The following CDH13 variants were observed in gnomAD, a reference collection of about 807,000 sequenced individuals.
CDH13 encodes cadherin 13.
A neutral mutation model predicts 63.8 loss-of-function variants in CDH13; 24 were observed. That is an observed-to-expected ratio of 0.38 (90% CI 0.27 to 0.53). The LOEUF is 0.53. CDH13 is among the 20% of genes least tolerant of loss of function. CDH13 has a pLI of 0.85. For synonymous variants in CDH13, 503 were observed against 355.3 expected (o/e 1.42, Z -4.67); for missense variants, 1,049 against 903.1 (o/e 1.16, Z -2.07).
intron 5 of CDH13, among the ~76,000 whole-genome samples, chr16:83,259,626 A>G (rs1157107316): frequency 2.0e-5 from 3 of 152,182 alleles, no homozygotes; most frequent in Non-Finnish European, 4.4e-5. Context: ...TCAATAGAAG[A>G]CTTCTCAGTC....
At chr16:83,770,472 A>T (rs1170971266) in intron 11 of CDH13, among the ~76,000 whole-genome samples, 2 of 152,212 alleles carry the variant, frequency 1.3e-5, no homozygotes, top group Non-Finnish European at 2.9e-5. Flanking sequence ...CCAGACTCCA[A>T]GAGAGAGTTC....
chr16:83,394,047 A>G (rs1254578306), intron 6 of CDH13, among the ~76,000 whole-genome samples: 1 of 152,154 alleles, frequency 6.6e-6, no homozygotes, highest in Non-Finnish European at 1.5e-5. Context: ...AATGATGAGA[A>G]CACATGGACA....
intron 2 of CDH13, among the ~76,000 whole-genome samples, chr16:82,964,238 G>C (rs941411016): frequency 1.3e-5 from 2 of 152,180 alleles, no homozygotes; most frequent in Admixed American, 6.5e-5. Flanking sequence ...TAATTTCCTT[G>C]AAGTCCCCTG....
chr16:83,312,535 G>C (rs146249294), intron 5 of CDH13, among the ~76,000 whole-genome samples: 6 of 152,218 alleles, frequency 3.9e-5, no homozygotes, highest in African/African-American at 7.2e-5. Flanking sequence ...GAGAGCTTCT[G>C]ATTGGCTTAG....
intron 4 of CDH13, among the ~76,000 whole-genome samples, chr16:83,181,647 G>A (rs983204166): frequency 6.6e-6 from 1 of 152,138 alleles, no homozygotes; most frequent in Non-Finnish European, 1.5e-5. Context: ...CTGAAAAGAG[G>A]GGGAGAAGAG....
At chr16:83,072,543 G>C (rs1000826820) in intron 3 of CDH13, among the ~76,000 whole-genome samples, 32 of 152,164 alleles carry the variant, frequency 2.1e-4, no homozygotes, top group African/African-American at 7.5e-4. Context: ...AGAGATGTTT[G>C]TGTGTTTTTG....
chr16:83,089,667 G>A (rs1453728092), intron 3 of CDH13, among the ~76,000 whole-genome samples: 1 of 152,134 alleles, frequency 6.6e-6, no homozygotes, highest in Non-Finnish European at 1.5e-5. Context: ...TGATATAGAT[G>A]AGGGATGTAA....
intron 7 of CDH13, among the ~76,000 whole-genome samples, chr16:83,572,279 T>C (rs141961003): frequency 0.01 from 1,558 of 151,472 alleles, 8 homozygotes; most frequent in Middle Eastern, 0.02. Context: ...CTCTGCCTCC[T>C]GGGTTCAGGC....
chr16:82,647,981 C>T (rs544409915), intron 1 of CDH13, among the ~76,000 whole-genome samples: 13 of 152,244 alleles, frequency 8.5e-5, no homozygotes, highest in Admixed American at 1.3e-4. Flanking sequence ...ATAAGTCTCA[C>T]GAGATCTGAG....
intron 7 of CDH13, among the ~76,000 whole-genome samples, chr16:83,502,224 T>G (rs1484174888): frequency 6.6e-6 from 1 of 152,216 alleles, no homozygotes; most frequent in Non-Finnish European, 1.5e-5. Flanking sequence ...TGGAAGATTA[T>G]TCTGAATTAT....
chr16:83,232,666 G>C (rs1449996629), intron 5 of CDH13, among the ~76,000 whole-genome samples: 1 of 151,926 alleles, frequency 6.6e-6, no homozygotes, highest in African/African-American at 2.4e-5. Flanking sequence ...AGTTTCCTGA[G>C]TCCTCCCCAG....
intron 5 of CDH13, among the ~76,000 whole-genome samples, chr16:83,300,649 G>C (rs903050537): frequency 1.3e-5 from 2 of 152,220 alleles, no homozygotes; most frequent in Non-Finnish European, 2.9e-5. Flanking sequence ...CCAGAACCTA[G>C]TATCTTGTCA....
chr16:83,660,257 T>C (rs1171129765), intron 8 of CDH13, among the ~76,000 whole-genome samples: 1 of 152,178 alleles, frequency 6.6e-6, no homozygotes, highest in Non-Finnish European at 1.5e-5. Flanking sequence ...ACAACTACCA[T>C]AATGTAGAAC....
intron 3 of CDH13, among the ~76,000 whole-genome samples, chr16:83,117,164 C>A (rs144578339): frequency 1.3e-5 from 2 of 152,296 alleles, no homozygotes; most frequent in Admixed American, 6.5e-5. Flanking sequence ...AGCTCAAAAC[C>A]CTTCCAGGGC....
intron 6 of CDH13, among the ~76,000 whole-genome samples, chr16:83,448,168 AT>A (rs916525107): frequency 6.6e-5 from 10 of 150,836 alleles, no homozygotes; most frequent in African/African-American, 1.2e-4. Flanking sequence ...TGAGCTAAAG[AT>A]TTTTTTTTTA....
In CDH13 at chr16:82,627,137, G is replaced by T. The variant is rs2150858318; in HGVS notation, c.45G>T (p.Gln15His). The T allele has an allele frequency of 6.2e-7, 1 of 1,606,700 alleles. No homozygotes were observed. The highest frequency in any genetic ancestry group is 8.5e-7 in the Non-Finnish European group (1 of 1,176,940). Residue 15 changes from glutamine to histidine, a missense_variant and splice_region_variant, in exon 1 of 14, where the codon CAG becomes CAT. Physicochemically the swap from Gln to His is conservative, Grantham distance 24 (BLOSUM62 0). Coordinates refer to ENST00000567109, the MANE Select transcript of CDH13 (RefSeq NM_001257.5). ...TPLVLCVLLS[Q>H]VLLLTSAEDL... ...TCGTTCTGTGCGTTCTCCTGTCCCA[G>T]GTAGGGAAGAGGGGCTGCCGGGCGC... is the stretch of plus-strand genomic sequence containing the variant.
intron 11 of CDH13, among the ~76,000 whole-genome samples, chr16:83,759,820 C>T (rs1216055708): frequency 6.6e-6 from 1 of 151,662 alleles, no homozygotes; most frequent in Non-Finnish European, 1.5e-5. Context: ...CCCAGCTACA[C>T]AGGAGGCTGA....
chr16:83,458,199 C>G (rs2151520132), intron 6 of CDH13, among the ~76,000 whole-genome samples: 1 of 152,314 alleles, frequency 6.6e-6, no homozygotes, highest in Admixed American at 6.5e-5. Flanking sequence ...CAGGCTGGCT[C>G]CAACTCAAGA....
At chr16:83,217,614 T>C in intron 5 of CDH13, 117 bp downstream of exon 5, 1 of 1,036,022 alleles carries the variant, frequency 9.7e-7, no homozygotes, top group Non-Finnish European at 1.4e-6. Flanking sequence ...TGCATGGCTT[T>C]AGGGTGTTTC....
Sources: allele counts gnomAD v4.1 joint callset (sites outside exome capture counted in the v4.1 genomes callset), GRCh38; gene constraint gnomAD v4.1.1; transcripts MANE v1.5; gene names NCBI Gene and HGNC (gene_info 2026-07-23, HGNC 2026-07-21).